GATAD2B: variants seen among roughly 807,000 people sequenced by gnomAD.
GATAD2B encodes the protein transcriptional repressor p66-beta.
A neutral mutation model predicts 64.3 loss-of-function variants in GATAD2B; 8 were observed. That is an observed-to-expected ratio of 0.12 (90% CI 0.07 to 0.22). GATAD2B has a LOEUF of 0.22. GATAD2B is among the 10% of genes least tolerant of loss of function. The pLI is 1.00. For synonymous variants in GATAD2B, 281 were observed against 271.3 expected (o/e 1.04, Z -0.35); for missense variants, 453 against 752.0 (o/e 0.60, Z 4.65).
Position 153,876,186 on chromosome 1 carries a change from C to G in GATAD2B, c.-2+46547G>C, listed in dbSNP as rs530113934. Among the ~76,000 whole-genome samples, 294 of 126,718 alleles carry G rather than the reference C, an allele frequency of 2.3e-3. 1 individual carries two copies. The highest frequency in any genetic ancestry group is 3.8e-3 in the Non-Finnish European group (243 of 64,012). 83.1% of individuals were successfully genotyped at this position (126,718 alleles called of 152,430 possible). On this transcript the variant is annotated intron_variant, in intron 1 of 10. Transcript: ENST00000368655. ...GAGACTGCAGTGAGCTGAGATCGCG[C>G]CACTACACTCCAGCCTGGGCAACAC...
intron 1 of GATAD2B, 114 bp from the exon 2 acceptor site, chr1:153,828,462 A>ACG: frequency 4.7e-6 from 1 of 213,230 alleles, no homozygotes; most frequent in Non-Finnish European, 1.1e-5. Flanking sequence ...ACATACACAC[A>ACG]CACACACACA....
intron 1 of GATAD2B, among the ~76,000 whole-genome samples, chr1:153,850,000 AG>A (rs1173368117): frequency 6.6e-6 from 1 of 152,032 alleles, no homozygotes; most frequent in Non-Finnish European, 1.5e-5. Context: ...TAGTCCTGAG[AG>A]GTAGTGTATC....
At chr1:153,883,702 C>CT (rs553077514) in intron 1 of GATAD2B, among the ~76,000 whole-genome samples, 1,500 of 144,272 alleles carry the variant, frequency 0.01, 10 homozygotes, top group African/African-American at 0.03. Context: ...CTGCACTGGT[C>CT]TTTTTTTTTT....
intron 1 of GATAD2B, among the ~76,000 whole-genome samples, chr1:153,900,940 G>A (rs931392987): frequency 6.6e-6 from 1 of 151,938 alleles, no homozygotes; most frequent in African/African-American, 2.4e-5. Context: ...CTGGCCAGGC[G>A]TGGTGGTTTA....
intron 1 of GATAD2B, among the ~76,000 whole-genome samples, chr1:153,878,774 C>CTTTTTTT (rs71093297): frequency 3.7e-5 from 4 of 108,140 alleles, no homozygotes; most frequent in Non-Finnish European, 5.3e-5. Flanking sequence ...TACTTTATTC[C>CTTTTTTT]TTTTTTTTTT....
intron 1 of GATAD2B, among the ~76,000 whole-genome samples, chr1:153,829,848 C>T (rs1675014167): frequency 6.6e-6 from 1 of 151,898 alleles, no homozygotes; most frequent in African/African-American, 2.4e-5. Context: ...GCTTGTAATC[C>T]CAGCACTTTG....
chr1:153,896,433 C>CTT (rs35275252), intron 1 of GATAD2B, among the ~76,000 whole-genome samples: 41 of 115,966 alleles, frequency 3.5e-4, no homozygotes, highest in African/African-American at 9.1e-4. Flanking sequence ...GTAAAATTTT[C>CTT]TTTTTTTTTT....
At position 153,848,028 on chromosome 1, in the gene GATAD2B, T is replaced by C. The variant is rs144516220; in HGVS notation, c.-1-19680A>G. On this transcript the variant is annotated intron_variant, in intron 1 of 10. Coordinates refer to ENST00000368655, the MANE Select transcript of GATAD2B (RefSeq NM_020699.4). ...AAGATTTGATTTAATCAGTCTGCCA[T>C]TGAACTCATGCAGCTATCCTTTAAT... Among the ~76,000 whole-genome samples, 21 of 152,232 alleles carry C rather than the reference T, an allele frequency of 1.4e-4. 1 individual carries two copies. Among genetic ancestry groups the C allele is most frequent in the South Asian group, 2.1e-4 (1 of 4,834 alleles).
chr1:153,815,713 G>A (rs1426894923), intron 7 of GATAD2B, among the ~76,000 whole-genome samples: 1 of 151,880 alleles, frequency 6.6e-6, no homozygotes, highest in East Asian at 1.9e-4. Context: ...AGATAGATTA[G>A]ATAGATGATA....
chr1:153,900,839 T>A (rs1241847785), intron 1 of GATAD2B, among the ~76,000 whole-genome samples: 1 of 152,230 alleles, frequency 6.6e-6, no homozygotes, highest in African/African-American at 2.4e-5. Context: ...AAAACTTTAC[T>A]TATAAACACT....
intron 9 of GATAD2B, 67 bp downstream of exon 9, chr1:153,811,955 G>A (rs1440777058): frequency 7.7e-7 from 1 of 1,297,666 alleles, no homozygotes; most frequent in Non-Finnish European, 1.1e-6. Context: ...ACAATAGAAA[G>A]GACAAATTGT....
At chr1:153,864,590 T>C (rs879686951) in intron 1 of GATAD2B, among the ~76,000 whole-genome samples, 1 of 151,928 alleles carries the variant, frequency 6.6e-6, no homozygotes, top group South Asian at 2.1e-4. Flanking sequence ...GCAGTCTAGC[T>C]TGGGTGACAA....
rs530767421 is a variant in GATAD2B, at chr1:153,845,682, G to A, written c.-1-17334C>T. Among the ~76,000 whole-genome samples the A allele has an allele frequency of 2.2e-3, 334 of 152,084 alleles. 1 individual carries two copies. The highest frequency in any genetic ancestry group is 0.014 in the Middle Eastern group (4 of 294). ...GGGGTGAGGTGGGAGGACTGCTTGAGCCTGGGAGGTTGAGGCTGCAGTGAG... is the reference window on the plus strand; with the variant it reads ...GGGGTGAGGTGGGAGGACTGCTTGAACCTGGGAGGTTGAGGCTGCAGTGAG... On this transcript the variant is annotated intron_variant, in intron 1 of 10. Transcript: ENST00000368655.
chr1:153,810,093 G>GA lies in GATAD2B; in HGVS notation c.*83_*84insT. ...CCGTGTATGGTAGGCACCAGTACAGGCACTGCATGCGACAGAAGTTGGGGG... is the reference window on the plus strand; with the variant it reads ...CCGTGTATGGTAGGCACCAGTACAGGACACTGCATGCGACAGAAGTTGGGGG... On this transcript the variant is annotated 3_prime_UTR_variant, in exon 11 of 11. Transcript: ENST00000368655. 2 of 1,334,686 alleles carry GA rather than the reference G, an allele frequency of 1.5e-6. No individual in the cohort carries two copies. The highest frequency in any genetic ancestry group is 2.1e-6 in the Non-Finnish European group (2 of 959,244). The allele number at this position is 1,334,686 out of a possible 1,614,324, so 82.7% of individuals were successfully genotyped here. A position where few individuals can be genotyped will look rare whatever the true frequency, so the allele number is the denominator to read the frequency against.
intron 1 of GATAD2B, among the ~76,000 whole-genome samples, chr1:153,921,083 A>C (rs1321053277): frequency 6.6e-6 from 1 of 152,184 alleles, no homozygotes. Context: ...ACTGACAGAA[A>C]TACTACTCTA....
chr1:153,836,635 T>C (rs181181603), intron 1 of GATAD2B, among the ~76,000 whole-genome samples: 38 of 151,900 alleles, frequency 2.5e-4, no homozygotes, highest in Admixed American at 6.6e-5. Flanking sequence ...TGAGCTATGA[T>C]TGCGCCACTC....
At chr1:153,857,491 A>G (rs1043687920) in intron 1 of GATAD2B, among the ~76,000 whole-genome samples, 3 of 152,168 alleles carry the variant, frequency 2.0e-5, no homozygotes, top group Admixed American at 6.6e-5. Context: ...GTGTCCCTTC[A>G]TAGAAAACGG....
chr1:153,876,159 C>T (rs1489215872), intron 1 of GATAD2B, among the ~76,000 whole-genome samples: 2 of 129,570 alleles, frequency 1.5e-5, no homozygotes, highest in Non-Finnish European at 3.1e-5. Flanking sequence ...ACCCGGGAGG[C>T]GGAGACTGCA....
chr1:153,860,235 C>T (rs1054038643), intron 1 of GATAD2B, among the ~76,000 whole-genome samples: 2 of 151,934 alleles, frequency 1.3e-5, no homozygotes, highest in Non-Finnish European at 2.9e-5. Context: ...ATTTTGGAAA[C>T]ATGTCATTTT....
Sources: allele counts gnomAD v4.1 joint callset (sites outside exome capture counted in the v4.1 genomes callset), GRCh38; gene constraint gnomAD v4.1.1; transcripts MANE v1.5; gene names NCBI Gene and HGNC (gene_info 2026-07-23, HGNC 2026-07-21).